The following CAMKK1 variants were observed in gnomAD, a reference collection of about 807,000 sequenced individuals.
CAMKK1 encodes calcium/calmodulin-dependent protein kinase kinase 1.
A neutral mutation model predicts 63.5 loss-of-function variants in CAMKK1; 20 were observed. The observed-to-expected ratio is 0.32, with a 90% confidence interval of 0.22 to 0.46. The LOEUF (loss-of-function observed/expected upper bound fraction) is 0.46, where lower values mean the gene tolerates loss of function less well. CAMKK1 is among the 20% of genes least tolerant of loss of function. CAMKK1 has a pLI of 1.00. For synonymous variants in CAMKK1, 253 were observed against 269.0 expected (o/e 0.94, Z 0.58); for missense variants, 588 against 658.1 (o/e 0.89, Z 1.17).
intron 9 of CAMKK1, among the ~76,000 whole-genome samples, chr17:3,878,336 G>A (rs1186388628): frequency 1.3e-5 from 2 of 152,194 alleles, no homozygotes; most frequent in African/African-American, 2.4e-5. Flanking sequence ...TCTGCCCCAG[G>A]GAAGCCCTTC....
In CAMKK1 at chr17:3,887,146, T is replaced by A. The variant is rs2055688605; in HGVS notation, c.-43-1416A>T. On this transcript the variant is annotated intron_variant, in intron 1 of 15. Coordinates refer to ENST00000348335, the MANE Select transcript of CAMKK1 (RefSeq NM_032294.3). This position sits in a 1 kb window ranked among gnomAD's most constrained non-coding sequence, Gnocchi z 6.1. ...GCCAGGACTGGGTTCCAGTCCTGCC[T>A]GCTGACCCACCAGGGGCCCTAGACC... 6.6e-6 allele frequency among the ~76,000 whole-genome samples: 1 copy of A among 152,124 alleles called. No homozygotes were observed. Among genetic ancestry groups the A allele is most frequent in the African/African-American group, 2.4e-5 (1 of 41,414 alleles).
rs932436162 is a variant in CAMKK1, at chr17:3,890,518, C to T, written c.-44+2421G>A. On this transcript the variant is annotated intron_variant, in intron 1 of 15. Coordinates refer to ENST00000348335, the MANE Select transcript of CAMKK1 (RefSeq NM_032294.3). The surrounding 1 kb of genome is among the most constrained non-coding windows in gnomAD (Gnocchi z 6.5). Reference sequence around the variant, plus strand: ...CCCGAGCAGCTCAGATCCAACAGGCCCCAGATTCAACTCAGCATCTTCCCC... The same window carrying T: ...CCCGAGCAGCTCAGATCCAACAGGCTCCAGATTCAACTCAGCATCTTCCCC... Among the ~76,000 whole-genome samples the T allele has an allele frequency of 2.6e-5, 4 of 152,152 alleles. No individual in the cohort carries two copies. Among genetic ancestry groups the T allele is most frequent in the Non-Finnish European group, 4.4e-5 (3 of 68,024 alleles).
In CAMKK1 at chr17:3,882,292, T is replaced by C. The variant is rs1166239109; in HGVS notation, c.685+236A>G. 5 of 1,614,148 alleles carry C rather than the reference T, an allele frequency of 3.1e-6. No individual in the cohort carries two copies. The highest frequency in any genetic ancestry group is 4.2e-6 in the Non-Finnish European group (5 of 1,180,006). On this transcript the variant is annotated intron_variant, in intron 7 of 15. Transcript: ENST00000348335. The surrounding 1 kb of genome is among the most constrained non-coding windows in gnomAD (Gnocchi z 4.3). Reference sequence around the variant, plus strand: ...AGCCCACGTGGATCCACTGTCTTGCTGCTCAGAGGGAAGCAGGGAGTGGGG... The same window carrying C: ...AGCCCACGTGGATCCACTGTCTTGCCGCTCAGAGGGAAGCAGGGAGTGGGG...
chr17:3,882,676 C>A lies in CAMKK1; in HGVS notation c.649-112G>T. 9.8e-7 allele frequency: 1 copy of A among 1,018,632 alleles called. No homozygotes were observed. Among genetic ancestry groups the A allele is most frequent in the Non-Finnish European group, 1.5e-6 (1 of 670,544 alleles). 63.1% of individuals were successfully genotyped at this position (1,018,632 alleles called of 1,614,324 possible). ...AACCCTTAGTATGCATGCAACCACC[C>A]CAGACAAGGAAGCAGGAAGTGTACA... is the stretch of plus-strand genomic sequence containing the variant. On this transcript the variant is annotated intron_variant, in intron 6 of 15. Coordinates refer to ENST00000348335, the MANE Select transcript of CAMKK1 (RefSeq NM_032294.3). The surrounding 1 kb of genome is among the most constrained non-coding windows in gnomAD (Gnocchi z 4.3).
In CAMKK1 at chr17:3,887,443, T is replaced by A. The variant is rs1282484716; in HGVS notation, c.-43-1713A>T. ...ACCCAGAGGAGTGAGAGGGAGTTAA[T>A]GAGGCTGGAACATCAAGGAGGCCTC... On this transcript the variant is annotated intron_variant, in intron 1 of 15. Transcript: ENST00000348335. This position sits in a 1 kb window ranked among gnomAD's most constrained non-coding sequence, Gnocchi z 6.1. Among the ~76,000 whole-genome samples, 3 of 152,028 alleles carry A rather than the reference T, an allele frequency of 2.0e-5. No homozygotes were observed. The highest frequency in any genetic ancestry group is 4.4e-5 in the Non-Finnish European group (3 of 67,978).
chr17:3,862,127 C>G lies in CAMKK1; in HGVS notation c.*84G>C, dbSNP rs1344884385. On this transcript the variant is annotated 3_prime_UTR_variant, in exon 16 of 16. Transcript: ENST00000348335. The surrounding 1 kb of genome is among the most constrained non-coding windows in gnomAD (Gnocchi z 4.1). ...GCTGCAGTCCCCAGCCCCCTGCCTG[C>G]GGGGGCGGCTGTTGCATGAGGGGTG... is the stretch of plus-strand genomic sequence containing the variant. 1 of 1,147,042 alleles carries G rather than the reference C, an allele frequency of 8.7e-7. No individual in the cohort carries two copies. The highest frequency in any genetic ancestry group is 1.5e-5 in the African/African-American group (1 of 65,570). The allele number at this position is 1,147,042 out of a possible 1,614,324, so 71.1% of individuals were successfully genotyped here.
At chr17:3,878,020 T>C (rs2055243745) in intron 9 of CAMKK1, among the ~76,000 whole-genome samples, 3 of 152,188 alleles carry the variant, frequency 2.0e-5, no homozygotes, top group African/African-American at 7.2e-5. Context: ...CCCCATTCTT[T>C]TCCATTCTGT....
intron 11 of CAMKK1, 81 bp from the exon 12 acceptor site, chr17:3,872,708 GGGGCA>G: frequency 1.1e-5 from 14 of 1,221,262 alleles, no homozygotes; most frequent in Admixed American, 1.7e-5. Flanking sequence ...TCCCTTGGTG[GGGGCA>G]GGGGTAGGGG....
intron 9 of CAMKK1, among the ~76,000 whole-genome samples, chr17:3,877,496 G>A (rs1033890976): frequency 5.3e-5 from 8 of 152,116 alleles, no homozygotes; most frequent in Admixed American, 2.0e-4. Context: ...ACCCCATCCC[G>A]CGACCATCGA....
Position 3,884,481 on chromosome 17 carries a change from C to T in CAMKK1, c.361-54G>A, listed in dbSNP as rs1021799803. 2.4e-4 allele frequency: 382 copies of T among 1,563,936 alleles called. 1 individual carries two copies. Among genetic ancestry groups the T allele is most frequent in the Admixed American group, 5.1e-4 (30 of 58,998 alleles). ...AGCTGGGTCCGGAGGCAGCACTGCT[C>T]CTACCTCAGAGCCCGTTCAGGGTCC... On this transcript the variant is annotated intron_variant, in intron 2 of 15. Transcript: ENST00000348335. This position sits in a 1 kb window ranked among gnomAD's most constrained non-coding sequence, Gnocchi z 4.5.
chr17:3,891,116 G>A (rs925088335), intron 1 of CAMKK1, among the ~76,000 whole-genome samples: 3 of 151,828 alleles, frequency 2.0e-5, no homozygotes, highest in Non-Finnish European at 4.4e-5. Flanking sequence ...GGTTGGGGGG[G>A]GGGTCACAGG....
At position 3,881,528 on chromosome 17, in the gene CAMKK1, T is replaced by A. The variant is rs575173140; in HGVS notation, c.707+99A>T. On this transcript the variant is annotated intron_variant, in intron 8 of 15. Coordinates refer to ENST00000348335, the MANE Select transcript of CAMKK1 (RefSeq NM_032294.3). Reference sequence around the variant, plus strand: ...AAGGGCAGGGCCTCCGTCTCTGACTTCTCCTAGAGTAGCTGACCCCTGGGC... The same window carrying A: ...AAGGGCAGGGCCTCCGTCTCTGACTACTCCTAGAGTAGCTGACCCCTGGGC... The A allele has an allele frequency of 2.5e-6, 3 of 1,206,346 alleles. No individual in the cohort carries two copies. The South Asian group carries it at 4.0e-5, about 16-fold the overall frequency. The allele number at this position is 1,206,346 out of a possible 1,614,324, so 74.7% of individuals were successfully genotyped here. A position where few individuals can be genotyped will look rare whatever the true frequency, so the allele number is the denominator to read the frequency against.
chr17:3,884,248 G>T lies in CAMKK1; in HGVS notation c.408+132C>A, dbSNP rs2055544073. 2 of 952,564 alleles carry T rather than the reference G, an allele frequency of 2.1e-6. No homozygotes were observed. Among genetic ancestry groups the T allele is most frequent in the African/African-American group, 1.6e-5 (1 of 61,844 alleles). The allele number at this position is 952,564 out of a possible 1,614,324, so 59.0% of individuals were successfully genotyped here. On this transcript the variant is annotated intron_variant, in intron 3 of 15. Transcript: ENST00000348335. The surrounding 1 kb of genome is among the most constrained non-coding windows in gnomAD (Gnocchi z 4.5). ...TGGGTACCTGGGTACTTCCCACAGG[G>T]CACGAAACTGTCCTCACCTCCAGGC...
rs1313574721 is a variant in CAMKK1, at chr17:3,890,807, G to A, written c.-44+2132C>T. 1 of 779,278 alleles carries A rather than the reference G, an allele frequency of 1.3e-6. No homozygotes were observed. Among genetic ancestry groups the A allele is most frequent in the Non-Finnish European group, 2.4e-6 (1 of 417,786 alleles). 48.3% of individuals were successfully genotyped at this position (779,278 alleles called of 1,614,324 possible). A position where few individuals can be genotyped will look rare whatever the true frequency, so the allele number is the denominator to read the frequency against. On this transcript the variant is annotated intron_variant, in intron 1 of 15. Coordinates refer to ENST00000348335, the MANE Select transcript of CAMKK1 (RefSeq NM_032294.3). The surrounding 1 kb of genome is among the most constrained non-coding windows in gnomAD (Gnocchi z 6.5). ...ACACCTCCCTCTCCTCTGCTGCCTG[G>A]AGGACAGCTCAGACATCGCCTCTTC...
At position 3,887,182 on chromosome 17, in the gene CAMKK1, C is replaced by T. The variant is rs144412873; in HGVS notation, c.-43-1452G>A. ...CAGGGGCCCTAGACCAGCTCCTTCC[C>T]GACTCTGAGCCCCAGTCTCCCGACT... On this transcript the variant is annotated intron_variant, in intron 1 of 15. Coordinates refer to ENST00000348335, the MANE Select transcript of CAMKK1 (RefSeq NM_032294.3). The surrounding 1 kb of genome is among the most constrained non-coding windows in gnomAD (Gnocchi z 6.1). 2.6e-4 allele frequency among the ~76,000 whole-genome samples: 39 copies of T among 152,270 alleles called. 1 individual carries two copies. In the East Asian group the frequency reaches 7.5e-3, roughly 29 times the overall value.
chr17:3,863,324 C>T (rs753855522), intron 15 of CAMKK1, among the ~76,000 whole-genome samples: 3 of 151,894 alleles, frequency 2.0e-5, no homozygotes, highest in Non-Finnish European at 2.9e-5. Context: ...GGTGAAATCC[C>T]GTCTCTAATA....
chr17:3,883,385 C>A lies in CAMKK1; in HGVS notation c.514+44G>T. The A allele has an allele frequency of 6.3e-7, 1 of 1,589,298 alleles. No individual in the cohort carries two copies. The highest frequency in any genetic ancestry group is 1.1e-5 in the South Asian group (1 of 90,604). ...TCAGGATCGAGGTCTCCTCCTCTGC[C>A]TCCAGGCTAGGAGCTCCCAGGGACA... On this transcript the variant is annotated intron_variant, in intron 5 of 15. Transcript: ENST00000348335. The surrounding 1 kb of genome is among the most constrained non-coding windows in gnomAD (Gnocchi z 4.7).
chr17:3,880,168 G>A (rs548689848), intron 9 of CAMKK1, 178 bp downstream of exon 9: 79 of 428,368 alleles, frequency 1.8e-4, no homozygotes, highest in Non-Finnish European at 3.1e-4. Context: ...TCCACCGCCC[G>A]CCCCACCCCA....
chr17:3,873,065 G>A (rs1230616016), intron 11 of CAMKK1, among the ~76,000 whole-genome samples: 1 of 152,240 alleles, frequency 6.6e-6, no homozygotes, highest in East Asian at 1.9e-4. Context: ...GCCAGGGTAG[G>A]GGTGAAGGAC....
Sources: gnomAD v4.1 joint callset for allele counts (sites outside exome capture counted in the v4.1 genomes callset) on GRCh38, gnomAD v4.1.1 for gene constraint, Gnocchi (gnomAD v3.1) non-coding constraint, MANE v1.5 for transcripts, NCBI Gene and HGNC (gene_info 2026-07-23, HGNC 2026-07-21) for gene names.